Variants in SAE1 observed in about 807,000 individuals in gnomAD.
The protein encoded by SAE1 is SUMO-activating enzyme subunit 1.
SAE1 carries 11 observed loss-of-function variants against 40.6 expected under a neutral mutation model. That is an observed-to-expected ratio of 0.27 (90% CI 0.17 to 0.45). SAE1 has a LOEUF of 0.45. SAE1 is among the 20% of genes least tolerant of loss of function. The probability of loss-of-function intolerance (pLI) is 1.00; values close to 1 mark genes in which losing one functional copy is unlikely to be tolerated. For missense variants in SAE1, 373 were observed against 427.3 expected (o/e 0.87, Z 1.12); for synonymous variants, 155 against 154.3 (o/e 1.00, Z -0.03).
At chr19:47,154,967 T>C (rs1389609863) in intron 4 of SAE1, 147 bp from the exon 5 acceptor site, 3 of 629,380 alleles carry the variant, frequency 4.8e-6, no homozygotes, top group Non-Finnish European at 8.6e-6. Context: ...ATGTTATCAA[T>C]GGCAGAGCTC....
chr19:47,141,281 C>T (rs529539195), intron 1 of SAE1, among the ~76,000 whole-genome samples: 3 of 152,236 alleles, frequency 2.0e-5, no homozygotes, highest in Middle Eastern at 3.4e-3. Flanking sequence ...GGATTACAGG[C>T]GTGAGCCCCC....
intron 1 of SAE1, chr19:47,142,471 C>G (rs1036915522): frequency 1.3e-5 from 2 of 151,662 alleles, no homozygotes; most frequent in Non-Finnish European, 2.9e-5. Flanking sequence ...TTATACTTAA[C>G]TAGTGCCTCT....
chr19:47,186,672 C>T (rs142772829), intron 6 of SAE1, among the ~76,000 whole-genome samples: 1 of 152,104 alleles, frequency 6.6e-6, no homozygotes, highest in African/African-American at 2.4e-5. Flanking sequence ...TCCGGCGCCT[C>T]GGAACCTCTT....
At chr19:47,185,427 C>G (rs2058538245) in intron 6 of SAE1, among the ~76,000 whole-genome samples, 1 of 151,958 alleles carries the variant, frequency 6.6e-6, no homozygotes, top group South Asian at 2.1e-4. Flanking sequence ...GCCTCAGCTT[C>G]CCAAGTAGCT....
At chr19:47,153,484 A>G (rs1266567731) in intron 4 of SAE1, among the ~76,000 whole-genome samples, 1 of 152,148 alleles carries the variant, frequency 6.6e-6, no homozygotes, top group Non-Finnish European at 1.5e-5. Context: ...AAGATGGCAG[A>G]TGATACATTA....
At chr19:47,136,494 CTTTTTTTT>C (rs35463823) in intron 1 of SAE1, among the ~76,000 whole-genome samples, 1 of 109,628 alleles carries the variant, frequency 9.1e-6, no homozygotes, top group Admixed American at 9.7e-5. Context: ...TTACCCGAGT[CTTTTTTTT>C]TTTTTTTTTT....
rs777628844 is a variant in SAE1, at chr19:47,203,695, A to T, written c.903A>T (p.Pro301=). ...GGTACTGCTTCTCCGAGATGGCCCC[A>T]GTGTGTGCGGTGGTTGGAGGGATTT... ...FVRYCFSEMA[P]VCAVVGGILA... is the part of the protein sequence containing the mutation. Residue 301 remains proline (P), a synonymous_variant, in exon 8 of 9, where the codon CCA becomes CCT. Coordinates refer to ENST00000270225, the MANE Select transcript of SAE1 (RefSeq NM_005500.3). The T allele has an allele frequency of 3.7e-6, 6 of 1,613,830 alleles. No homozygotes were observed. Among genetic ancestry groups the T allele is most frequent in the Non-Finnish European group, 5.1e-6 (6 of 1,179,944 alleles).
chr19:47,185,139 A>T (rs181218876), intron 6 of SAE1, among the ~76,000 whole-genome samples: 19 of 152,058 alleles, frequency 1.2e-4, no homozygotes, highest in South Asian at 2.1e-4. Flanking sequence ...TATGCTTTTT[A>T]AAAAAACCTA....
chr19:47,174,503 TCTC>T (rs1025444502), intron 6 of SAE1, among the ~76,000 whole-genome samples: 4 of 151,578 alleles, frequency 2.6e-5, no homozygotes, highest in African/African-American at 4.8e-5. Flanking sequence ...TTTAAGCAAT[TCTC>T]CTGCCTCAGC....
At chr19:47,157,295 T>G (rs1487520351) in intron 5 of SAE1, among the ~76,000 whole-genome samples, 8 of 152,208 alleles carry the variant, frequency 5.3e-5, no homozygotes, top group Non-Finnish European at 1.0e-4. Context: ...TTCTTTCTTT[T>G]TGAGGCCCAG....
At chr19:47,203,423 G>A (rs989864790) in intron 7 of SAE1, among the ~76,000 whole-genome samples, 1 of 152,156 alleles carries the variant, frequency 6.6e-6, no homozygotes, top group African/African-American at 2.4e-5. Flanking sequence ...ACTTATAAAG[G>A]TAAAAATAAA....
chr19:47,189,647 A>C (rs1466692153), intron 6 of SAE1, among the ~76,000 whole-genome samples: 1 of 152,144 alleles, frequency 6.6e-6, no homozygotes, highest in Non-Finnish European at 1.5e-5. Flanking sequence ...ATTGGGGCCG[A>C]GGTGTCTGGC....
intron 2 of SAE1, among the ~76,000 whole-genome samples, chr19:47,147,492 G>A (rs1440685562): frequency 3.3e-5 from 5 of 151,458 alleles, no homozygotes; most frequent in South Asian, 4.2e-4. Context: ...CTCACTTGTC[G>A]CCCAGGCCGG....
chr19:47,192,864 T>G (rs965326077), intron 6 of SAE1, among the ~76,000 whole-genome samples: 15 of 152,130 alleles, frequency 9.9e-5, no homozygotes, highest in African/African-American at 3.6e-4. Context: ...GGACATTTTT[T>G]GAAAAGAGGC....
chr19:47,142,563 A>G (rs1026809152), intron 1 of SAE1: 9 of 151,988 alleles, frequency 5.9e-5, no homozygotes, highest in African/African-American at 1.7e-4. Flanking sequence ...TCCTACCCCC[A>G]TGGCTTTCCA....
chr19:47,144,309 G>C (rs1349301733), intron 2 of SAE1, among the ~76,000 whole-genome samples: 1 of 149,876 alleles, frequency 6.7e-6, no homozygotes, highest in East Asian at 2.0e-4. Flanking sequence ...ACTCCAGCCT[G>C]GGCAACAGAG....
chr19:47,150,533 G>A (rs1443731662), intron 3 of SAE1, among the ~76,000 whole-genome samples, 158 bp downstream of exon 3: 2 of 152,176 alleles, frequency 1.3e-5, no homozygotes, highest in East Asian at 3.8e-4. Context: ...TTTAGGCTTA[G>A]TATATTGTGT....
chr19:47,161,859 A>G (rs1160209027), intron 5 of SAE1, among the ~76,000 whole-genome samples: 2 of 152,194 alleles, frequency 1.3e-5, no homozygotes, highest in Admixed American at 1.3e-4. Flanking sequence ...AATTGGTTTT[A>G]TATTGTATGC....
chr19:47,209,130 C>G (rs1324872204), intron 8 of SAE1, 29 bp from the exon 9 acceptor site: 1 of 1,609,528 alleles, frequency 6.2e-7, no homozygotes, highest in African/African-American at 1.3e-5. Flanking sequence ...AGCACTTGAG[C>G]TAAACCCTCT....
Sources: gnomAD v4.1 joint callset for allele counts (sites outside exome capture counted in the v4.1 genomes callset) on GRCh38, gnomAD v4.1.1 for gene constraint, MANE v1.5 for transcripts, NCBI Gene and HGNC (gene_info 2026-07-23, HGNC 2026-07-21) for gene names.